The following SHISA6 variants were observed in gnomAD, a reference collection of about 807,000 sequenced individuals.
SHISA6 encodes protein shisa-6.
A neutral mutation model predicts 47.9 loss-of-function variants in SHISA6; 22 were observed. The observed-to-expected ratio is 0.46, with a 90% confidence interval of 0.33 to 0.66. The LOEUF (loss-of-function observed/expected upper bound fraction) is 0.66. Ranked by LOEUF, SHISA6 falls within the 30% of genes least tolerant of loss-of-function variation. The pLI, the probability that SHISA6 is intolerant of heterozygous loss-of-function variation, is 0.02. For missense variants in SHISA6, 680 were observed against 764.6 expected (o/e 0.89, Z 1.30); for synonymous variants, 388 against 337.8 (o/e 1.15, Z -1.63).
chr17:11,245,167 C>T (rs955349532), intron 1 of SHISA6, among the ~76,000 whole-genome samples: 1 of 152,194 alleles, frequency 6.6e-6, no homozygotes, highest in Non-Finnish European at 1.5e-5. Flanking sequence ...TAGATGAGTA[C>T]CAAGTCCGAC....
chr17:11,275,665 A>G (rs1226939497), intron 2 of SHISA6, among the ~76,000 whole-genome samples: 1 of 152,208 alleles, frequency 6.6e-6, no homozygotes, highest in Non-Finnish European at 1.5e-5. Context: ...GATTTGAGGA[A>G]GGACCACTGA....
At chr17:11,400,013 C>T (rs973566834) in intron 3 of SHISA6, among the ~76,000 whole-genome samples, 7 of 152,190 alleles carry the variant, frequency 4.6e-5, no homozygotes, top group African/African-American at 1.7e-4. Flanking sequence ...TGCTAGATTA[C>T]AGTTTCTTTT....
At chr17:11,306,013 C>T (rs1178469797) in intron 2 of SHISA6, among the ~76,000 whole-genome samples, 2 of 152,192 alleles carry the variant, frequency 1.3e-5, no homozygotes, top group East Asian at 3.8e-4. Context: ...ACATCTGCCA[C>T]CGTGCCCCAA....
At chr17:11,343,829 T>A (rs1239637111) in intron 2 of SHISA6, among the ~76,000 whole-genome samples, 1 of 152,212 alleles carries the variant, frequency 6.6e-6, no homozygotes, top group Non-Finnish European at 1.5e-5. Flanking sequence ...GCATAAAAAG[T>A]GATCAGTACA....
chr17:11,525,103 G>A (rs371713041), intron 3 of SHISA6, among the ~76,000 whole-genome samples: 2 of 152,258 alleles, frequency 1.3e-5, no homozygotes, highest in South Asian at 2.1e-4. Flanking sequence ...AGGCAAAAGA[G>A]GATTTAAAAG....
chr17:11,452,081 C>T lies in SHISA6; in HGVS notation c.895+72572C>T, dbSNP rs533633782. On this transcript the variant is annotated intron_variant, in intron 3 of 5. Coordinates refer to ENST00000441885, the MANE Select transcript of SHISA6 (RefSeq NM_207386.4). ...TGGCTCTGTGTAGGAGACAGGACCA[C>T]GGACATGGAGAATAAGCTTTATCTC... is the stretch of plus-strand genomic sequence containing the variant. Among the ~76,000 whole-genome samples the T allele has an allele frequency of 7.9e-5, 12 of 152,282 alleles. No homozygotes were observed. In the South Asian group the frequency reaches 2.3e-3, roughly 29 times the overall value.
At chr17:11,325,714 CTT>C (rs1299454974) in intron 2 of SHISA6, among the ~76,000 whole-genome samples, 4 of 148,050 alleles carry the variant, frequency 2.7e-5, no homozygotes, top group Non-Finnish European at 1.5e-5. Context: ...AAAAAAAAGA[CTT>C]GATGTCAAGA....
At chr17:11,542,739 G>A (rs1243886035) in intron 3 of SHISA6, among the ~76,000 whole-genome samples, 1 of 152,258 alleles carries the variant, frequency 6.6e-6, no homozygotes, top group East Asian at 1.9e-4. Context: ...TCTTGCCTAA[G>A]TGTAAGCTCA....
chr17:11,298,607 G>C (rs112365338), intron 2 of SHISA6, among the ~76,000 whole-genome samples: 8 of 152,370 alleles, frequency 5.3e-5, no homozygotes, highest in Middle Eastern at 3.4e-3. Context: ...AGTGGGGTCA[G>C]TGCCATGGCA....
intron 2 of SHISA6, among the ~76,000 whole-genome samples, chr17:11,324,078 C>T (rs1441199224): frequency 2.6e-5 from 4 of 152,136 alleles, no homozygotes; most frequent in African/African-American, 9.7e-5. Context: ...GAAGTGACAA[C>T]CCACAAAGGC....
intron 3 of SHISA6, among the ~76,000 whole-genome samples, chr17:11,528,485 CTAGATAGT>C (rs2071705086): frequency 1.3e-5 from 2 of 152,036 alleles, no homozygotes; most frequent in Admixed American, 6.6e-5. Context: ...AGTTGCACTG[CTAGATAGT>C]TAGATATTGA....
At chr17:11,279,164 G>A (rs964797231) in intron 2 of SHISA6, among the ~76,000 whole-genome samples, 1 of 152,166 alleles carries the variant, frequency 6.6e-6, no homozygotes, top group South Asian at 2.1e-4. Context: ...AGAGTTCAGG[G>A]CTTGCAGGTC....
chr17:11,549,119 T>C (rs1028272068), intron 3 of SHISA6, among the ~76,000 whole-genome samples: 2 of 152,206 alleles, frequency 1.3e-5, no homozygotes, highest in African/African-American at 4.8e-5. Flanking sequence ...CTACAGTCTG[T>C]ACAAAATGAC....
chr17:11,265,001 A>C (rs1330846014), intron 2 of SHISA6, among the ~76,000 whole-genome samples: 1 of 152,224 alleles, frequency 6.6e-6, no homozygotes, highest in Non-Finnish European at 1.5e-5. Flanking sequence ...CCACCTTTGC[A>C]AAATGTCTAA....
At chr17:11,276,681 T>TCACCACCACCATCATCAC (rs1404955383) in intron 2 of SHISA6, among the ~76,000 whole-genome samples, 1 of 150,730 alleles carries the variant, frequency 6.6e-6, no homozygotes, top group Non-Finnish European at 1.5e-5. Flanking sequence ...GCCATTGACA[T>TCACCACCACCATCATCAC]CACCACCACC....
At chr17:11,296,366 C>T (rs980001451) in intron 2 of SHISA6, among the ~76,000 whole-genome samples, 7 of 152,138 alleles carry the variant, frequency 4.6e-5, no homozygotes, top group Non-Finnish European at 7.4e-5. Flanking sequence ...TGGAAAGGAG[C>T]GTGCAGAGAA....
At chr17:11,263,633 A>G in intron 2 of SHISA6, 107 bp downstream of exon 2, 2 of 1,365,258 alleles carry the variant, frequency 1.5e-6, no homozygotes, top group Non-Finnish European at 2.0e-6. Context: ...GTGATGAGGG[A>G]CTCTCATGGA....
chr17:11,264,686 T>G (rs948898742), intron 2 of SHISA6, among the ~76,000 whole-genome samples: 1 of 152,202 alleles, frequency 6.6e-6, no homozygotes, highest in African/African-American at 2.4e-5. Flanking sequence ...TAAGGATATA[T>G]AGCCACTAGG....
At chr17:11,319,417 G>A (rs9894162) in intron 2 of SHISA6, among the ~76,000 whole-genome samples, 111,981 of 152,124 alleles carry the variant, frequency 0.74, 41,383 homozygotes, top group Middle Eastern at 0.77. Flanking sequence ...TGTGTCTGGT[G>A]TAATAGTCTC....
Sources: gnomAD v4.1 joint callset for allele counts (sites outside exome capture counted in the v4.1 genomes callset) on GRCh38, gnomAD v4.1.1 for gene constraint, MANE v1.5 for transcripts, NCBI Gene and HGNC (gene_info 2026-07-23, HGNC 2026-07-21) for gene names.